The following ZNF532 variants were observed in gnomAD, a reference collection of about 807,000 sequenced individuals.
ZNF532 encodes zinc finger protein 532.
In ZNF532, 22 loss-of-function variants were observed where a neutral mutation model predicts 89.3. That is an observed-to-expected ratio of 0.25 (90% CI 0.18 to 0.35). The LOEUF is 0.35. Among genes scored for constraint, ZNF532 ranks in the 10% least tolerant of loss-of-function variants. The pLI, the probability that ZNF532 is intolerant of heterozygous loss-of-function variation, is 1.00. For synonymous variants in ZNF532, 606 were observed against 649.6 expected (o/e 0.93, Z 1.02); for missense variants, 1,132 against 1,643.4 (o/e 0.69, Z 5.38).
intron 3 of ZNF532, among the ~76,000 whole-genome samples, chr18:58,930,026 A>G (rs143850918): frequency 2.5e-3 from 380 of 152,266 alleles, no homozygotes; most frequent in African/African-American, 8.2e-3. Flanking sequence ...TTTAGCTCCA[A>G]TGTTTCATGT....
chr18:58,936,481 T>C (rs1033444534), intron 4 of ZNF532, among the ~76,000 whole-genome samples: 1 of 152,258 alleles, frequency 6.6e-6, no homozygotes, highest in African/African-American at 2.4e-5. Context: ...ATTGCTGATA[T>C]CTTTCCTAAA....
At chr18:58,926,611 G>T (rs1196022658) in intron 3 of ZNF532, among the ~76,000 whole-genome samples, 1 of 152,210 alleles carries the variant, frequency 6.6e-6, no homozygotes, top group Admixed American at 6.5e-5. Flanking sequence ...GCCTCCCAAA[G>T]TGCTGGGATT....
intron 7 of ZNF532, among the ~76,000 whole-genome samples, chr18:58,978,270 A>G (rs1352012910): frequency 1.3e-5 from 2 of 152,174 alleles, no homozygotes; most frequent in Non-Finnish European, 2.9e-5. Flanking sequence ...TTATCAAATG[A>G]TATTATTTAA....
At chr18:58,863,635 A>G (rs1218528252), upstream of ZNF532, 1 of 83,322 alleles carries the variant, frequency 1.2e-5, no homozygotes, top group Admixed American at 1.3e-4. Flanking sequence ...CGCTCCGACG[A>G]CAGCAGCAGC....
chr18:58,874,127 G>A (rs1162929161), intron 2 of ZNF532, among the ~76,000 whole-genome samples: 2 of 151,864 alleles, frequency 1.3e-5, no homozygotes, highest in Non-Finnish European at 2.9e-5. Flanking sequence ...ATTGTCTCCT[G>A]TCCTGCCTTA....
chr18:58,893,068 C>T (rs764528729), intron 2 of ZNF532, among the ~76,000 whole-genome samples: 1 of 150,954 alleles, frequency 6.6e-6, no homozygotes, highest in Non-Finnish European at 1.5e-5. Context: ...TGCAGCCTCA[C>T]CCTCCCAGGA....
chr18:58,870,139 A>G (rs1025673721), intron 2 of ZNF532, among the ~76,000 whole-genome samples: 2 of 149,820 alleles, frequency 1.3e-5, no homozygotes, highest in Non-Finnish European at 3.0e-5. Flanking sequence ...GACAAAGGTA[A>G]TGGTGGTACA....
At chr18:58,876,317 G>A (rs73437990) in intron 2 of ZNF532, among the ~76,000 whole-genome samples, 14,711 of 152,116 alleles carry the variant, frequency 0.097, 1,511 homozygotes, top group African/African-American at 0.25. Context: ...GTAGCCTCCT[G>A]GTGCCATTGA....
intron 6 of ZNF532, among the ~76,000 whole-genome samples, chr18:58,949,428 G>A (rs2063951674): frequency 6.6e-6 from 1 of 152,180 alleles, no homozygotes; most frequent in African/African-American, 2.4e-5. Flanking sequence ...GCTGGGCACG[G>A]TGGCTTACAC....
chr18:58,920,488 C>T lies in ZNF532; in HGVS notation c.2201C>T (p.Thr734Ile), dbSNP rs202241316. Residue 734 changes from threonine (T) to isoleucine (I), a missense_variant, in exon 3 of 10, where the codon ACT (threonine) becomes ATT (isoleucine). Thr to Ile is a moderately conservative substitution (Grantham distance 89). This residue lies in a region of ZNF532 where 100 missense variants were observed against 122.0 expected (regional missense o/e 0.82). Coordinates refer to ENST00000591808, the MANE Select transcript of ZNF532 (RefSeq NM_001375912.1). ...ACAGTCATATCGGCTCCTTCAAGCA[C>T]TCCCATCACCCCAGCCATGCCCCTA... ...TGTVISAPSS[T>I]PITPAMPLDE... 6.8e-5 allele frequency: 109 copies of T among 1,613,972 alleles called. 1 individual carries two copies. In the East Asian group the frequency reaches 2.3e-3, roughly 34 times the overall value.
intron 2 of ZNF532, among the ~76,000 whole-genome samples, chr18:58,879,127 C>A (rs149914224): frequency 6.6e-6 from 1 of 152,152 alleles, no homozygotes; most frequent in Non-Finnish European, 1.5e-5. Flanking sequence ...GTGAAGGTGG[C>A]CAGTGGGGTT....
chr18:58,897,956 AAAAT>A (rs2059356259), intron 2 of ZNF532, among the ~76,000 whole-genome samples: 1 of 152,248 alleles, frequency 6.6e-6, no homozygotes, highest in South Asian at 2.1e-4. Flanking sequence ...CTCTGTCTCA[AAAAT>A]AAATAAGTAA....
intron 2 of ZNF532, among the ~76,000 whole-genome samples, chr18:58,888,801 ATATATATAAAAAATTATATATATAAAT>A (rs1602668249): frequency 3.2e-4 from 19 of 58,976 alleles, no homozygotes; most frequent in African/African-American, 1.4e-3. Flanking sequence ...TATATAATTT[ATATATATAAAAAATTATATATATAAAT>A]TATATATATA....
Position 58,984,304 on chromosome 18 carries a change from C to G in ZNF532, c.3744C>G (p.Asn1248Lys), listed in dbSNP as rs1461990658. The change falls in exon 10 of 10, where the codon AAC (asparagine) becomes AAG (lysine). Residue 1248 changes from asparagine (N) to lysine (K), a missense_variant. Physicochemically the swap from Asn to Lys is moderately conservative, Grantham distance 94. This residue lies in a region of ZNF532 where 415 missense variants were observed against 604.8 expected (regional missense o/e 0.69). Coordinates refer to ENST00000591808, the MANE Select transcript of ZNF532 (RefSeq NM_001375912.1). The stretch of plus-strand genomic sequence containing the variant: ...CTGGGGAAGATAACCAACAGGAGAA[C>G]AAACCCAGCCACGAGGATGAATCCC... ...NGAGEDNQQE[N>K]KPSHEDESPD... 2 of 1,611,846 alleles carry G rather than the reference C, an allele frequency of 1.2e-6. No individual in the cohort carries two copies. The highest frequency in any genetic ancestry group is 1.7e-6 in the Non-Finnish European group (2 of 1,179,860).
chr18:58,965,247 G>C (rs2065803368), intron 7 of ZNF532, among the ~76,000 whole-genome samples: 1 of 152,084 alleles, frequency 6.6e-6, no homozygotes, highest in Non-Finnish European at 1.5e-5. Context: ...AAATTGGAAG[G>C]CGGGGTGTTA....
chr18:58,963,951 G>A (rs916389993), intron 7 of ZNF532: 7 of 152,084 alleles, frequency 4.6e-5, no homozygotes, highest in African/African-American at 1.5e-4. Flanking sequence ...AGATAACTTT[G>A]TGAAATAAAA....
intron 2 of ZNF532, among the ~76,000 whole-genome samples, chr18:58,900,998 C>G (rs868309182): frequency 8.5e-5 from 13 of 152,230 alleles, no homozygotes; most frequent in African/African-American, 3.1e-4. Context: ...GAAAGAAACT[C>G]GTGAATTCAC....
chr18:58,886,778 G>T (rs1490397856), intron 2 of ZNF532, among the ~76,000 whole-genome samples: 1 of 152,120 alleles, frequency 6.6e-6, no homozygotes. Context: ...TATGCCCTGA[G>T]ATCAATGACA....
chr18:58,978,727 GTT>G (rs1168196101), intron 7 of ZNF532, among the ~76,000 whole-genome samples: 6 of 152,164 alleles, frequency 3.9e-5, no homozygotes, highest in Non-Finnish European at 7.4e-5. Flanking sequence ...AATTTTAGAT[GTT>G]TTTGGATCTT....
Sources: allele counts gnomAD v4.1 joint callset (sites outside exome capture counted in the v4.1 genomes callset), GRCh38; gene constraint gnomAD v4.1.1; regional missense constraint gnomAD v4.1.1; transcripts MANE v1.5; gene names NCBI Gene and HGNC (gene_info 2026-07-23, HGNC 2026-07-21).